The following SYTL3 variants were observed in gnomAD, a reference collection of about 807,000 sequenced individuals.
SYTL3 encodes synaptotagmin-like protein 3.
SYTL3 carries 88 observed loss-of-function variants against 82.1 expected under a neutral mutation model. That is an observed-to-expected ratio of 1.07 (90% confidence interval 0.90 to 1.28). The LOEUF is 1.28. SYTL3 is among the 50% of genes most tolerant of loss of function. SYTL3 has a pLI of 0.00. For missense variants in SYTL3, 831 were observed against 757.6 expected, an observed-to-expected ratio of 1.10 and a Z score of -1.14; for synonymous variants, 311 against 289.4, an observed-to-expected ratio of 1.07 and a Z score of -0.76.
At chr6:158,689,130 T>C (rs1779589661) in intron 6 of SYTL3, among the ~76,000 whole-genome samples, 1 of 152,234 alleles carries the variant, frequency 6.6e-6, no homozygotes, top group African/African-American at 2.4e-5. Context: ...TGAAAGTTTA[T>C]AAGGTTATTA....
intron 12 of SYTL3, among the ~76,000 whole-genome samples, chr6:158,746,354 A>G (rs781645173): frequency 6.6e-6 from 1 of 151,858 alleles, no homozygotes; most frequent in Non-Finnish European, 1.5e-5. Context: ...CGCAGGAAAT[A>G]CAAAATTAAA....
At chr6:158,703,497 C>T (rs1298695708) in intron 6 of SYTL3, among the ~76,000 whole-genome samples, 1 of 152,144 alleles carries the variant, frequency 6.6e-6, no homozygotes, top group Non-Finnish European at 1.5e-5. Flanking sequence ...ATTCAGGGCT[C>T]TTTAAGGAAG....
intron 11 of SYTL3, among the ~76,000 whole-genome samples, chr6:158,739,156 T>C (rs565334474): frequency 6.6e-6 from 1 of 152,368 alleles, no homozygotes; most frequent in African/African-American, 2.4e-5. Context: ...ACTTTTTTTG[T>C]AGTATGTAAC....
At chr6:158,751,860 GCCCCCAAACTCTTTATCCA>G (rs1788427798) in intron 12 of SYTL3, 49 bp from the exon 13 acceptor site, 1 of 1,198,800 alleles carries the variant, frequency 8.3e-7, no homozygotes, top group Admixed American at 2.8e-5. Flanking sequence ...GTTCTCTGCT[GCCCCCAAACTCTTTATCCA>G]CCCCTTTCCC....
At position 158,691,825 on chromosome 6, in the gene SYTL3, G is replaced by C. The variant is rs369655715; in HGVS notation, c.394+8836G>C. On this transcript the variant is annotated intron_variant, in intron 6 of 17. Transcript: ENST00000611299. ...TGTCACCACGCCTGGCTAATTTTTT[G>C]TATTTTTAGTAGAGACGGGGTTTCA... Among the ~76,000 whole-genome samples the C allele has an allele frequency of 2.0e-5, 3 of 150,722 alleles. No individual in the cohort carries two copies. In the South Asian group the frequency reaches 6.3e-4, roughly 32 times the overall value.
intron 13 of SYTL3, among the ~76,000 whole-genome samples, chr6:158,756,794 G>A (rs973151203): frequency 6.9e-6 from 1 of 145,358 alleles, no homozygotes; most frequent in Non-Finnish European, 1.5e-5. Context: ...AGCCTGGCTG[G>A]GTGCAGTGTT....
intron 3 of SYTL3, among the ~76,000 whole-genome samples, chr6:158,662,161 G>A (rs1006424757): frequency 1.3e-5 from 2 of 152,064 alleles, no homozygotes; most frequent in African/African-American, 2.4e-5. Flanking sequence ...AGCTTTTAAA[G>A]CATTGAAAGG....
chr6:158,651,919 T>C (rs1486243746), intron 2 of SYTL3, 77 bp downstream of exon 2: 2 of 151,442 alleles, frequency 1.3e-5, no homozygotes, highest in African/African-American at 4.8e-5. Context: ...TTTATTTTTA[T>C]GTATTTTTAT....
At chr6:158,671,195 CTTTGACA>C (rs1777345183) in intron 5 of SYTL3, among the ~76,000 whole-genome samples, 1 of 152,102 alleles carries the variant, frequency 6.6e-6, no homozygotes, top group Non-Finnish European at 1.5e-5. Context: ...AAAGGGAATG[CTTTGACA>C]ATAGTGTGTG....
chr6:158,663,293 G>T lies in SYTL3; in HGVS notation c.25G>T (p.Ala9Ser). MAQEIDLS[A>S]LKELEREAIL... ...AATGGCCCAAGAAATAGATCTGAGT[G>T]CTCTCAAGGAGTTAGAACGCGAGGC... Residue 9 changes from alanine to serine, a missense_variant, in exon 4 of 18, where the codon GCT becomes TCT. Transcript: ENST00000611299. 1 of 1,614,152 alleles carries T rather than the reference G, an allele frequency of 6.2e-7. No individual in the cohort carries two copies. The highest frequency in any genetic ancestry group is 8.5e-7 in the Non-Finnish European group (1 of 1,180,024).
chr6:158,655,337 A>G (rs1788553918), intron 2 of SYTL3, among the ~76,000 whole-genome samples: 1 of 152,162 alleles, frequency 6.6e-6, no homozygotes, highest in Non-Finnish European at 1.5e-5. Context: ...GAAGTTTGAC[A>G]TCGGAGTAAA....
intron 14 of SYTL3, 74 bp from the exon 15 acceptor site, chr6:158,760,566 A>T: frequency 7.5e-7 from 1 of 1,336,002 alleles, no homozygotes; most frequent in Non-Finnish European, 1.1e-6. Context: ...GACGAAGCTG[A>T]GACAACCAGA....
At chr6:158,751,681 AC>A (rs1348375817) in intron 12 of SYTL3, among the ~76,000 whole-genome samples, 5 of 152,062 alleles carry the variant, frequency 3.3e-5, no homozygotes, top group Non-Finnish European at 7.3e-5. Flanking sequence ...CGAGCTTCAC[AC>A]CCCCAGGAAT....
In SYTL3 at chr6:158,763,349, A is replaced by C; in HGVS notation, c.1563A>C (p.Pro521=). ...PDQQKLRLKS[P]VLRKQACPQW... ...AACAAAAACTGAGACTGAAGTCGCC[A>C]GTCCTGAGGAAGCAGGCTTGCCCCC... The change falls in exon 17 of 18, where the codon CCA becomes CCC. Residue 521 remains proline (P), a synonymous_variant. Coordinates refer to ENST00000611299, the MANE Select transcript of SYTL3 (RefSeq NM_001242394.2). 6.2e-7 allele frequency: 1 copy of C among 1,614,232 alleles called. No individual in the cohort carries two copies. Among genetic ancestry groups the C allele is most frequent in the Non-Finnish European group, 8.5e-7 (1 of 1,180,040 alleles).
At position 158,751,920 on chromosome 6, in the gene SYTL3, G is replaced by T; in HGVS notation, c.1035-8G>T. 6.3e-7 allele frequency: 1 copy of T among 1,594,170 alleles called. No homozygotes were observed. On this transcript the variant is annotated splice_region_variant and splice_polypyrimidine_tract_variant and intron_variant, in intron 12 of 17. Transcript: ENST00000611299. ...TCTCACTCTGTCCCCGCTGTGTTTGGCCCCTAGGTATGTGAAGACCTACCT... is the reference window on the plus strand; with the variant it reads ...TCTCACTCTGTCCCCGCTGTGTTTGTCCCCTAGGTATGTGAAGACCTACCT...
chr6:158,708,671 A>C (rs1222831806), intron 8 of SYTL3, among the ~76,000 whole-genome samples: 1 of 152,076 alleles, frequency 6.6e-6, no homozygotes, highest in Non-Finnish European at 1.5e-5. Flanking sequence ...CCCCTTCCCC[A>C]ACTCTGCTCT....
chr6:158,740,037 C>G (rs1026045454), intron 11 of SYTL3, among the ~76,000 whole-genome samples: 1 of 133,860 alleles, frequency 7.5e-6, no homozygotes, highest in South Asian at 2.5e-4. Flanking sequence ...CACTCTGTCA[C>G]CTAGGCTGGA....
At chr6:158,761,304 T>C (rs1789897371) in intron 15 of SYTL3, among the ~76,000 whole-genome samples, 2 of 132,094 alleles carry the variant, frequency 1.5e-5, no homozygotes, top group African/African-American at 5.7e-5. Context: ...CACATTTCTT[T>C]TTTTTTTTTT....
chr6:158,676,327 G>A (rs1462818669), intron 5 of SYTL3, among the ~76,000 whole-genome samples: 7 of 152,058 alleles, frequency 4.6e-5, no homozygotes, highest in African/African-American at 1.7e-4. Flanking sequence ...TTTAATAAAT[G>A]GTGCTGGGAA....
Sources: allele counts gnomAD v4.1 joint callset (sites outside exome capture counted in the v4.1 genomes callset), GRCh38; gene constraint gnomAD v4.1.1; transcripts MANE v1.5; gene names NCBI Gene and HGNC (gene_info 2026-07-23, HGNC 2026-07-21).